The following ZNF219 variants were observed in gnomAD, a reference collection of about 807,000 sequenced individuals.
ZNF219 encodes the protein zinc finger protein 219.
ZNF219 carries 17 observed loss-of-function variants against 54.4 expected under a neutral mutation model. The ratio of observed to expected loss-of-function variants is 0.31; its 90% CI spans 0.21 to 0.47. The LOEUF (loss-of-function observed/expected upper bound fraction) is 0.47. ZNF219 is among the 20% of genes least tolerant of loss of function. The pLI is 1.00. For missense variants in ZNF219, 1,014 were observed against 1,062.3 expected (o/e 0.95, Z 0.63); for synonymous variants, 518 against 476.4 (o/e 1.09, Z -1.14).
chr14:21,102,358 G>A (rs1202931361), upstream of ZNF219: 52 of 1,543,574 alleles, frequency 3.4e-5, no homozygotes, highest in Non-Finnish European at 4.3e-5. Context: ...GATTGAGGTT[G>A]GAATGACTCC....
At chr14:21,091,801 G>T in intron 3 of ZNF219, 64 bp downstream of exon 3, 1 of 1,481,024 alleles carries the variant, frequency 6.8e-7, no homozygotes, top group Non-Finnish European at 8.9e-7. Flanking sequence ...AGCTACGAGG[G>T]AGTGGCGGCG....
intron 1 of ZNF219, among the ~76,000 whole-genome samples, chr14:21,096,888 T>C (rs1055434251): frequency 1.3e-5 from 2 of 152,206 alleles, no homozygotes; most frequent in African/African-American, 4.8e-5. Context: ...CAAAAGTTTT[T>C]AGGGTCAAAG....
At chr14:21,096,641 T>G (rs1379857847) in intron 1 of ZNF219, among the ~76,000 whole-genome samples, 1 of 152,176 alleles carries the variant, frequency 6.6e-6, no homozygotes, top group Non-Finnish European at 1.5e-5. Flanking sequence ...ATCTTGCCCT[T>G]ATTTGGATTC....
In ZNF219 at chr14:21,091,454, G is replaced by C; in HGVS notation, c.1521C>G (p.Phe507Leu). ...GCACTTTGAGGTGATGTGCTGAGCG[G>C]AAAGATTTTCCGCAGAAAGGACAAT... ...GKDCPFCGKS[F>L]RSAHHLKVHL... The change falls in exon 4 of 5, where the codon TTC (phenylalanine) becomes TTG (leucine). Residue 507 changes from phenylalanine (F) to leucine (L), a missense_variant. By Grantham distance (22) the Phe-to-Leu change is conservative. Coordinates refer to ENST00000360947, the MANE Select transcript of ZNF219 (RefSeq NM_016423.3). 6.2e-7 allele frequency: 1 copy of C among 1,609,388 alleles called. No homozygotes were observed. The highest frequency in any genetic ancestry group is 8.5e-7 in the Non-Finnish European group (1 of 1,176,424).
chr14:21,098,410 G>T lies in ZNF219; in HGVS notation c.-182C>A, dbSNP rs1230499693. The stretch of plus-strand genomic sequence containing the variant: ...GCGTCAGCGTTACGTGGGGCCGGGG[G>T]AGATGCGCCGGGCCCCGGCCCCCCC... On this transcript the variant is annotated 5_prime_UTR_variant, in exon 1 of 5. Coordinates refer to ENST00000360947, the MANE Select transcript of ZNF219 (RefSeq NM_016423.3). 1.8e-6 allele frequency: 1 copy of T among 547,738 alleles called. No individual in the cohort carries two copies. Among genetic ancestry groups the T allele is most frequent in the African/African-American group, 2.1e-5 (1 of 47,188 alleles). 33.9% of individuals were successfully genotyped at this position (547,738 alleles called of 1,614,324 possible). A position where few individuals can be genotyped will look rare whatever the true frequency, so the allele number is the denominator to read the frequency against.
upstream of ZNF219, chr14:21,102,217 T>C: frequency 6.9e-7 from 1 of 1,446,854 alleles, no homozygotes; most frequent in Non-Finnish European, 9.3e-7. Context: ...GTTGACTCAT[T>C]CTCTCAGCTG....
In ZNF219 at chr14:21,090,784, G is replaced by GCCCGGCCTCGCCT. The variant is rs1888781142; in HGVS notation, c.1908_1920dup (p.Pro641ArgfsTer38). The GCCCGGCCTCGCCT allele has an allele frequency of 6.3e-7, 1 of 1,588,010 alleles. No homozygotes were observed. On this transcript the variant is annotated frameshift_variant, in exon 5 of 5. Transcript: ENST00000360947. LOFTEE classifies it high-confidence loss of function. This position sits in a 1 kb window ranked among gnomAD's most constrained non-coding sequence, Gnocchi z 4.4. ...AGGCAGCGGTGGAGGGCACCCCCAG[G>GCCCGGCCTCGCCT]CCCGGCCTCGCCTCCCGGCCCTGCC... is the stretch of plus-strand genomic sequence containing the variant.
chr14:21,104,024 AGC>A (rs1487784006), intron 1 of ZNF219: 1 of 152,234 alleles, frequency 6.6e-6, no homozygotes, highest in Non-Finnish European at 1.5e-5. Context: ...TGAGACTTGG[AGC>A]GCGCGCGAGA....
At chr14:21,099,540 G>A (rs1443436286), upstream of ZNF219, among the ~76,000 whole-genome samples, 2 of 152,222 alleles carry the variant, frequency 1.3e-5, no homozygotes, top group Non-Finnish European at 2.9e-5. Context: ...CAGCACTGAT[G>A]GGGCAGGAGT....
At chr14:21,094,620 G>T in intron 1 of ZNF219, 1 of 266,872 alleles carries the variant, frequency 3.7e-6, no homozygotes, top group South Asian at 3.2e-5. Context: ...CATGCTCTGA[G>T]CAGGAAAGGG....
intron 3 of ZNF219, 31 bp downstream of exon 3, chr14:21,091,834 C>T (rs1888907946): frequency 6.7e-7 from 1 of 1,490,894 alleles, no homozygotes; most frequent in Non-Finnish European, 8.9e-7. Flanking sequence ...GAGGACGCGG[C>T]GTACCCGGAG....
In ZNF219 at chr14:21,090,490, G is replaced by A. The variant is rs774004744; in HGVS notation, c.*46C>T. Reference sequence around the variant, plus strand: ...ACCCAACTACCTCTAGCGCTCCCCCGCTCCGGCGGGGTAAGCTCACTAAGC... The same window carrying A: ...ACCCAACTACCTCTAGCGCTCCCCCACTCCGGCGGGGTAAGCTCACTAAGC... On this transcript the variant is annotated 3_prime_UTR_variant, in exon 5 of 5. Transcript: ENST00000360947. This position sits in a 1 kb window ranked among gnomAD's most constrained non-coding sequence, Gnocchi z 4.4. 11 of 1,538,892 alleles carry A rather than the reference G, an allele frequency of 7.1e-6. No individual in the cohort carries two copies. Among genetic ancestry groups the A allele is most frequent in the East Asian group, 2.3e-5 (1 of 44,060 alleles).
chr14:21,093,207 G>A lies in ZNF219; in HGVS notation c.90C>T (p.Ser30=), dbSNP rs377539818. The A allele has an allele frequency of 1.9e-6, 3 of 1,606,518 alleles. No individual in the cohort carries two copies. Among genetic ancestry groups the A allele is most frequent in the Non-Finnish European group, 2.5e-6 (3 of 1,179,420 alleles). The change falls in exon 3 of 5, where the codon TCC becomes TCT. Residue 30 remains serine (S), a synonymous_variant. Transcript: ENST00000360947. ...FDGELDLQRY[S]NGPAVSAGSL... is the part of the protein sequence containing the mutation. ...ACCCTGCGCTCACGGCTGGCCCGTTGGAGTATCGCTGCAGATCCAGCTCGC... is the reference window on the plus strand; with the variant it reads ...ACCCTGCGCTCACGGCTGGCCCGTTAGAGTATCGCTGCAGATCCAGCTCGC...
intron 1 of ZNF219, among the ~76,000 whole-genome samples, chr14:21,094,694 GAGA>G (rs1470005596): frequency 1.5e-5 from 2 of 129,348 alleles, no homozygotes; most frequent in Non-Finnish European, 3.2e-5. Context: ...GCTGGGGAAG[GAGA>G]AGATCATTGA....
At chr14:21,091,171 GGTCACGATGACT>G (rs2139292403) in intron 4 of ZNF219, 31 bp from the exon 5 acceptor site, 1 of 1,585,774 alleles carries the variant, frequency 6.3e-7, no homozygotes, top group East Asian at 2.2e-5. Flanking sequence ...AGGGTCACGG[GGTCACGATGACT>G]GCACGCACCC....
upstream of ZNF219, chr14:21,103,224 G>A (rs773747539): frequency 5.8e-6 from 9 of 1,551,640 alleles, no homozygotes; most frequent in East Asian, 2.4e-5. Flanking sequence ...GTGGGACAGC[G>A]GGAACAGACA....
chr14:21,101,429 G>C, upstream of ZNF219: 1 of 1,551,616 alleles, frequency 6.4e-7, no homozygotes, highest in South Asian at 1.2e-5. Context: ...CACAGGCAGA[G>C]TGGGCACCTC....
At position 21,090,349 on chromosome 14, in the gene ZNF219, C is replaced by T; in HGVS notation, c.*187G>A. 1.3e-6 allele frequency: 1 copy of T among 773,940 alleles called. No homozygotes were observed. Among genetic ancestry groups the T allele is most frequent in the South Asian group, 1.5e-5 (1 of 64,716 alleles). 47.9% of individuals were successfully genotyped at this position (773,940 alleles called of 1,614,324 possible). A position where few individuals can be genotyped will look rare whatever the true frequency, so the allele number is the denominator to read the frequency against. On this transcript the variant is annotated 3_prime_UTR_variant, in exon 5 of 5. Coordinates refer to ENST00000360947, the MANE Select transcript of ZNF219 (RefSeq NM_016423.3). This position sits in a 1 kb window ranked among gnomAD's most constrained non-coding sequence, Gnocchi z 4.4. Reference sequence around the variant, plus strand: ...CTCTGCCACTTCTAAGGCACTGTGACTCCCTTGGGCTGGGTGGGTACCGCC... The same window carrying T: ...CTCTGCCACTTCTAAGGCACTGTGATTCCCTTGGGCTGGGTGGGTACCGCC...
upstream of ZNF219, chr14:21,098,668 C>CGGAG (rs1256067794): frequency 4.7e-6 from 4 of 848,004 alleles, no homozygotes; most frequent in Admixed American, 6.1e-5. Context: ...GGGGCGCTGT[C>CGGAG]GGAGGGAGGG....
Sources: gnomAD v4.1 joint callset for allele counts (sites outside exome capture counted in the v4.1 genomes callset) on GRCh38, gnomAD v4.1.1 for gene constraint, Gnocchi (gnomAD v3.1) non-coding constraint, MANE v1.5 for transcripts, NCBI Gene and HGNC (gene_info 2026-07-23, HGNC 2026-07-21) for gene names.